Variants in GIGYF2 observed in about 807,000 individuals in gnomAD.
The protein encoded by GIGYF2 is GRB10-interacting GYF protein 2.
In GIGYF2, 25 loss-of-function variants were observed where a neutral mutation model predicts 208.1. That is an observed-to-expected ratio of 0.12 (90% CI 0.09 to 0.17). GIGYF2 has a LOEUF of 0.17. GIGYF2 is among the 10% of genes least tolerant of loss of function. The pLI is 1.00. For missense variants in GIGYF2, 1,302 were observed against 1,579.4 expected (o/e 0.82, Z 2.98); for synonymous variants, 534 against 543.8 (o/e 0.98, Z 0.25).
intron 8 of GIGYF2, chr2:232,765,929 C>T (rs1242697632): frequency 2.1e-6 from 1 of 470,984 alleles, no homozygotes; most frequent in Admixed American, 2.3e-5. Context: ...CCGAAGTAGT[C>T]TTCCTGATCA....
chr2:232,734,639 T>TA (rs946301041), intron 2 of GIGYF2, among the ~76,000 whole-genome samples: 11 of 151,444 alleles, frequency 7.3e-5, no homozygotes, highest in East Asian at 1.9e-4. Flanking sequence ...CACTGTCTGT[T>TA]AAAAAAAAAT....
intron 22 of GIGYF2, among the ~76,000 whole-genome samples, chr2:232,834,509 G>A (rs11904714): frequency 0.094 from 14,246 of 152,130 alleles, 908 homozygotes; most frequent in East Asian, 0.17. Flanking sequence ...TTACTATGAC[G>A]TGTCTGTTTG....
chr2:232,836,302 AT>A (rs1701609519), intron 22 of GIGYF2, among the ~76,000 whole-genome samples: 233 of 21,622 alleles, frequency 0.011, 32 homozygotes, highest in East Asian at 0.015. Context: ...ATATATATAT[AT>A]ATATATATAT....
chr2:232,813,368 CCTGA>C (rs1700799112), intron 18 of GIGYF2, among the ~76,000 whole-genome samples: 1 of 141,022 alleles, frequency 7.1e-6, no homozygotes, highest in South Asian at 2.2e-4. Flanking sequence ...CGCTATCACA[CCTGA>C]CTAATTTTTG....
rs79472100 is a variant in GIGYF2 at position 232,850,483 on chromosome 2, T to C, written c.3832+74T>C. On this transcript the variant is annotated intron_variant, in intron 28 of 28. Transcript: ENST00000373563. The stretch of plus-strand genomic sequence containing the variant: ...ACCAGTTATCCTGTGTGAGTTTCCA[T>C]TGAGCATTGTTTTTCAAGAAGGGAA... The C allele has an allele frequency of 2.7e-3, 3,647 of 1,329,918 alleles. 57 individuals carry two copies. The African/African-American group carries it at 0.045, about 17-fold the overall frequency. 82.4% of individuals were successfully genotyped at this position (1,329,918 alleles called of 1,614,324 possible).
At chr2:232,790,672 G>A in intron 9 of GIGYF2, 26 bp from the exon 10 acceptor site, 1 of 1,573,912 alleles carries the variant, frequency 6.4e-7, no homozygotes, top group African/African-American at 1.3e-5. Flanking sequence ...ACTTTTCTAA[G>A]GTTTGTGTCC....
At chr2:232,770,835 C>T (rs1699213922) in intron 8 of GIGYF2, 1 of 1,113,008 alleles carries the variant, frequency 9.0e-7, no homozygotes, top group South Asian at 1.3e-5. Flanking sequence ...ATACCCTTTC[C>T]AAACACCTGT....
At chr2:232,730,436 C>G (rs1697416875) in intron 2 of GIGYF2, among the ~76,000 whole-genome samples, 1 of 151,290 alleles carries the variant, frequency 6.6e-6, no homozygotes, top group Non-Finnish European at 1.5e-5. Context: ...GAAACCCCGT[C>G]TCTACTGAAA....
At chr2:232,698,727 G>A (rs1466383774) in intron 1 of GIGYF2, among the ~76,000 whole-genome samples, 1 of 152,146 alleles carries the variant, frequency 6.6e-6, no homozygotes, top group East Asian at 1.9e-4. Flanking sequence ...TTTAAAAGTG[G>A]CACGTAACTG....
intron 8 of GIGYF2, among the ~76,000 whole-genome samples, chr2:232,781,321 C>CACACACACA (rs1054268008): frequency 6.7e-6 from 1 of 149,736 alleles, no homozygotes; most frequent in Non-Finnish European, 1.5e-5. Context: ...CACACACACA[C>CACACACACA]AACTTATAAA....
chr2:232,775,883 C>T lies in GIGYF2; in HGVS notation c.533-11267C>T, dbSNP rs564517128. ...AAAGTCTTATAATGATTTCTCCTGC[C>T]CTCCACAATTAGGGCAAACACTATT... On this transcript the variant is annotated intron_variant, in intron 8 of 28. Transcript: ENST00000373563. Among the ~76,000 whole-genome samples the T allele has an allele frequency of 1.3e-4, 20 of 152,150 alleles. No individual in the cohort carries two copies. The South Asian group carries it at 3.9e-3, about 30-fold the overall frequency.
chr2:232,783,841 A>G (rs947633939), intron 8 of GIGYF2, among the ~76,000 whole-genome samples: 22 of 152,080 alleles, frequency 1.4e-4, no homozygotes, highest in African/African-American at 5.3e-4. Context: ...ATGCGCCACC[A>G]TGCCCAGCTA....
Position 232,787,198 on chromosome 2 carries a change from A to C in GIGYF2, c.581A>C (p.His194Pro). Residue 194 changes from histidine to proline, a missense_variant, in exon 9 of 29, where the codon CAT (histidine) becomes CCT (proline). By Grantham distance (77) the His-to-Pro change is moderately conservative. Transcript: ENST00000373563. ...EGGPTSVGRK[H>P]EFIRSESENW... Reference sequence around the variant, plus strand: ...GGACCAACATCAGTAGGGAGAAAGCATGAATTTATACGCTCAGAAAGTGAA... The same window carrying C: ...GGACCAACATCAGTAGGGAGAAAGCCTGAATTTATACGCTCAGAAAGTGAA... The C allele has an allele frequency of 6.2e-7, 1 of 1,614,148 alleles. No homozygotes were observed. Among genetic ancestry groups the C allele is most frequent in the Non-Finnish European group, 8.5e-7 (1 of 1,179,994 alleles).
At chr2:232,721,541 C>T (rs1696942947) in intron 2 of GIGYF2, among the ~76,000 whole-genome samples, 1 of 152,168 alleles carries the variant, frequency 6.6e-6, no homozygotes, top group African/African-American at 2.4e-5. Flanking sequence ...TTCACAGGCT[C>T]ATTCTATTCC....
chr2:232,718,978 T>C (rs903884470), intron 2 of GIGYF2: 1 of 151,728 alleles, frequency 6.6e-6, no homozygotes, highest in African/African-American at 2.4e-5. Flanking sequence ...AGCTAGGAAA[T>C]AGAGATTTGT....
chr2:232,794,892 G>A lies in GIGYF2; in HGVS notation c.1427G>A (p.Gly476Asp), dbSNP rs745473501. ...CCAGTTGTAGGTGCTCCTGGTATGGGCAGTGTTTCCACAGAACCTGATGAT... is the reference window on the plus strand; with the variant it reads ...CCAGTTGTAGGTGCTCCTGGTATGGACAGTGTTTCCACAGAACCTGATGAT... ...ETPVVGAPGM[G>D]SVSTEPDDEE... Residue 476 changes from glycine (G) to aspartate (D), a missense_variant, in exon 13 of 29, where the codon GGC becomes GAC. Gly to Asp is a moderately conservative substitution (Grantham distance 94). Transcript: ENST00000373563. The A allele has an allele frequency of 2.5e-6, 4 of 1,613,820 alleles. No individual in the cohort carries two copies. In the South Asian group the frequency reaches 3.3e-5, roughly 13 times the overall value.
chr2:232,791,589 A>G (rs1243043383), intron 12 of GIGYF2, 143 bp downstream of exon 12: 3 of 758,356 alleles, frequency 4.0e-6, no homozygotes, highest in African/African-American at 3.5e-5. Context: ...CAGTAAACCC[A>G]GTCAAACAGT....
At chr2:232,834,862 A>G (rs1701532253) in intron 22 of GIGYF2, among the ~76,000 whole-genome samples, 1 of 151,818 alleles carries the variant, frequency 6.6e-6, no homozygotes, top group Admixed American at 6.6e-5. Flanking sequence ...TTTTTTATAT[A>G]TATTTAGGGC....
intron 3 of GIGYF2, 115 bp downstream of exon 3, chr2:232,735,353 G>A (rs1697689544): frequency 2.7e-6 from 2 of 748,080 alleles, no homozygotes; most frequent in East Asian, 5.3e-5. Context: ...TTTGCTTTAT[G>A]TGCCTCGCTG....
Sources: gnomAD v4.1 joint callset for allele counts (sites outside exome capture counted in the v4.1 genomes callset) on GRCh38, gnomAD v4.1.1 for gene constraint, MANE v1.5 for transcripts, NCBI Gene and HGNC (gene_info 2026-07-23, HGNC 2026-07-21) for gene names.